RRP8: variants seen among roughly 807,000 people sequenced by gnomAD.
RRP8 encodes the protein ribosomal RNA processing 8, also known as ribosomal RNA-processing protein 8.
A neutral mutation model predicts 45.0 loss-of-function variants in RRP8; 48 were observed. The ratio of observed to expected loss-of-function variants is 1.07; its 90% CI spans 0.85 to 1.36. The LOEUF is 1.36. RRP8 is among the 40% of genes most tolerant of loss of function. RRP8 has a pLI of 0.00. For missense variants in RRP8, 658 were observed against 573.7 expected (o/e 1.15, Z -1.50); for synonymous variants, 274 against 212.4 (o/e 1.29, Z -2.52).
intron 1 of RRP8, 113 bp downstream of exon 1, chr11:6,603,291 T>G: frequency 1.4e-6 from 1 of 722,054 alleles, no homozygotes; most frequent in Non-Finnish European, 2.3e-6. Flanking sequence ...AGATCAGGAC[T>G]CGCCCTTAAC....
Position 6,601,194 on chromosome 11 carries a change from C to T in RRP8, c.872G>A (p.Trp291Ter). 1.2e-6 allele frequency: 2 copies of T among 1,613,768 alleles called. No individual in the cohort carries two copies. The highest frequency in any genetic ancestry group is 1.7e-6 in the Non-Finnish European group (2 of 1,179,816). ...HRGFQSQVKKWPLQPVDRIAR... is the reference protein window; with the variant it reads ...HRGFQSQVKK ...GATGCGGTCCACTGGCTGCAGTGGC[C>T]ACTTCTTCACTTGGCTCTGGAAGCC... is the stretch of plus-strand genomic sequence containing the variant. The change falls in exon 3 of 7, where the codon TGG becomes TAG. Residue 291 changes from tryptophan to a stop codon, truncating the protein, a stop_gained. Transcript: ENST00000254605. LOFTEE classifies it high-confidence loss of function.
rs559605796 is a variant in RRP8, at chr11:6,598,156, T to G, written c.*1990A>C. ...TGTCCCACTTCCTAAAATCCAACAC[T>G]TTGAATGGCATCACCAGCCTACCCA... On this transcript the variant is annotated 3_prime_UTR_variant, in exon 7 of 7. Transcript: ENST00000254605. The G allele has an allele frequency of 9.8e-5, 15 of 152,340 alleles. No individual in the cohort carries two copies. The highest frequency in any genetic ancestry group is 3.1e-4 in the African/African-American group (13 of 41,554). The allele number at this position is 152,340 out of a possible 1,614,324, so 9.4% of individuals were successfully genotyped here.
At chr11:6,602,238 A>G in intron 1 of RRP8, 23 bp from the exon 2 acceptor site, 1 of 1,528,962 alleles carries the variant, frequency 6.5e-7, no homozygotes, top group East Asian at 2.3e-5. Context: ...AGGGGATGAC[A>G]GTGGGCCTAA....
Position 6,595,411 on chromosome 11 carries a change from G to A in RRP8, c.*4735C>T, listed in dbSNP as rs1182145205. On this transcript the variant is annotated 3_prime_UTR_variant, in exon 7 of 7. Coordinates refer to ENST00000254605, the MANE Select transcript of RRP8 (RefSeq NM_015324.4). ...TTCCAAGAAGTCTAATACTAAGTAGGGCATCCCTGCTTAATCAATAACACT... is the reference window on the plus strand; with the variant it reads ...TTCCAAGAAGTCTAATACTAAGTAGAGCATCCCTGCTTAATCAATAACACT... 1.3e-5 allele frequency: 2 copies of A among 152,012 alleles called. No individual in the cohort carries two copies. The highest frequency in any genetic ancestry group is 1.5e-5 in the Non-Finnish European group (1 of 68,010). 9.4% of individuals were successfully genotyped at this position (152,012 alleles called of 1,614,324 possible). A position where few individuals can be genotyped will look rare whatever the true frequency, so the allele number is the denominator to read the frequency against.
chr11:6,602,943 G>A (rs1045882277), intron 1 of RRP8, among the ~76,000 whole-genome samples: 3 of 152,174 alleles, frequency 2.0e-5, no homozygotes, highest in African/African-American at 4.8e-5. Context: ...AACTCTTACT[G>A]TCTCCAATCC....
rs1854226864 is a variant in RRP8 at position 6,596,269 on chromosome 11, G to A, written c.*3877C>T. On this transcript the variant is annotated 3_prime_UTR_variant, in exon 7 of 7. Coordinates refer to ENST00000254605, the MANE Select transcript of RRP8 (RefSeq NM_015324.4). The stretch of plus-strand genomic sequence containing the variant: ...CACTGGGGAAAGAGTATTCAAGGAA[G>A]ATGGAGCATGTGCAAAGACTCTCAG... The A allele has an allele frequency of 6.6e-6, 1 of 152,290 alleles. No individual in the cohort carries two copies. Among genetic ancestry groups the A allele is most frequent in the Non-Finnish European group, 1.5e-5 (1 of 68,048 alleles). The allele number at this position is 152,290 out of a possible 1,614,324, so 9.4% of individuals were successfully genotyped here. A position where few individuals can be genotyped will look rare whatever the true frequency, so the allele number is the denominator to read the frequency against.
intron 4 of RRP8, 38 bp from the exon 5 acceptor site, chr11:6,600,813 C>T (rs1589914904): frequency 6.2e-7 from 1 of 1,608,746 alleles, no homozygotes; most frequent in Non-Finnish European, 8.5e-7. Context: ...GCACACAGTG[C>T]AGAAGAAGAA....
At position 6,603,613 on chromosome 11, in the gene RRP8, T is replaced by A. The variant is rs1012638483; in HGVS notation, c.-111A>T. 7 of 639,898 alleles carry A rather than the reference T, an allele frequency of 1.1e-5. No homozygotes were observed. Among genetic ancestry groups the A allele is most frequent in the African/African-American group, 7.7e-5 (4 of 52,170 alleles). The allele number at this position is 639,898 out of a possible 1,614,324, so 39.6% of individuals were successfully genotyped here. On this transcript the variant is annotated 5_prime_UTR_variant, in exon 1 of 7. Coordinates refer to ENST00000254605, the MANE Select transcript of RRP8 (RefSeq NM_015324.4). ...CAGAACCGACCCGGAAACCAAAGCG[T>A]GACAGCCAGGGGTTGCTAGAGCGGC... is the stretch of plus-strand genomic sequence containing the variant.
Position 6,601,963 on chromosome 11 carries a change from T to G in RRP8, c.352A>C (p.Lys118Gln). The change falls in exon 2 of 7, where the codon AAA (lysine) becomes CAA (glutamine). Residue 118 changes from lysine to glutamine, a missense_variant. Lys to Gln is a moderately conservative substitution (Grantham distance 53, BLOSUM62 1). Transcript: ENST00000254605. ...GAGTCACTGCCAACAAGAGCCTGTT[T>G]GTGGCATTTCTTCTTCCTTTCTACT... Reference protein sequence around the residue: ...EEVERKKKCHKQALVGSDSAE... With the variant: ...EEVERKKKCHQQALVGSDSAE... The G allele has an allele frequency of 6.2e-7, 1 of 1,614,236 alleles. No homozygotes were observed. Among genetic ancestry groups the G allele is most frequent in the Non-Finnish European group, 8.5e-7 (1 of 1,180,046 alleles).
Position 6,601,230 on chromosome 11 carries a change from A to G in RRP8, c.836T>C (p.Leu279Pro), listed in dbSNP as rs140802276. The G allele has an allele frequency of 6.2e-7, 1 of 1,611,644 alleles. No homozygotes were observed. The highest frequency in any genetic ancestry group is 8.5e-7 in the Non-Finnish European group (1 of 1,178,906). The change falls in exon 3 of 7, where the codon CTC becomes CCC. Residue 279 changes from leucine to proline, a missense_variant. Physicochemically the swap from Leu to Pro is moderately conservative, Grantham distance 98. Coordinates refer to ENST00000254605, the MANE Select transcript of RRP8 (RefSeq NM_015324.4). ...TTGGCTCTGGAAGCCGCGGTGGTAG[A>G]GAAGAAAAGCCTCAGGGTCTTCCTG... ...LFQEDPEAFLLYHRGFQSQVK... is the reference protein window; with the variant it reads ...LFQEDPEAFLPYHRGFQSQVK...
At chr11:6,602,382 G>A in intron 1 of RRP8, 167 bp from the exon 2 acceptor site, 3 of 709,532 alleles carry the variant, frequency 4.2e-6, no homozygotes, top group Middle Eastern at 4.0e-4. Flanking sequence ...CCCAACTTCT[G>A]GGAAGCTGGA....
rs1854313004 is a variant in RRP8 at position 6,600,404 on chromosome 11, C to T, written c.1251+82G>A. 8 of 1,430,802 alleles carry T rather than the reference C, an allele frequency of 5.6e-6. No homozygotes were observed. The South Asian group carries it at 8.6e-5, about 15-fold the overall frequency. The allele number at this position is 1,430,802 out of a possible 1,614,324, so 88.6% of individuals were successfully genotyped here. A position where few individuals can be genotyped will look rare whatever the true frequency, so the allele number is the denominator to read the frequency against. ...GGGAGCAAAATGTCTGTTCCTGTGCCTAAAGCCTCCTTCCTGAACACCAGT... is the reference window on the plus strand; with the variant it reads ...GGGAGCAAAATGTCTGTTCCTGTGCTTAAAGCCTCCTTCCTGAACACCAGT... On this transcript the variant is annotated intron_variant, in intron 6 of 6. Coordinates refer to ENST00000254605, the MANE Select transcript of RRP8 (RefSeq NM_015324.4).
chr11:6,602,535 T>C (rs898673887), intron 1 of RRP8, among the ~76,000 whole-genome samples: 4 of 152,184 alleles, frequency 2.6e-5, no homozygotes, highest in Admixed American at 2.0e-4. Context: ...AGCTTTTGCC[T>C]AGAGCTGATA....
rs914128233 is a variant in RRP8, at chr11:6,599,586, T to C, written c.*560A>G. Reference sequence around the variant, plus strand: ...AAGATAAACCACTAGAAATGCTCGGTATGGGGACAACCAAACAGTCTCAAG... The same window carrying C: ...AAGATAAACCACTAGAAATGCTCGGCATGGGGACAACCAAACAGTCTCAAG... On this transcript the variant is annotated 3_prime_UTR_variant, in exon 7 of 7. Coordinates refer to ENST00000254605, the MANE Select transcript of RRP8 (RefSeq NM_015324.4). The C allele has an allele frequency of 3.9e-5, 6 of 152,204 alleles. No individual in the cohort carries two copies. Among genetic ancestry groups the C allele is most frequent in the African/African-American group, 1.2e-4 (5 of 41,432 alleles). 9.4% of individuals were successfully genotyped at this position (152,204 alleles called of 1,614,324 possible).
At chr11:6,603,126 A>T (rs2134506614) in intron 1 of RRP8, among the ~76,000 whole-genome samples, 1 of 152,288 alleles carries the variant, frequency 6.6e-6, no homozygotes, top group Non-Finnish European at 1.5e-5. Flanking sequence ...CACAAGGACC[A>T]CTTGTGTTTG....
chr11:6,603,520 G>A lies in RRP8; in HGVS notation c.-18C>T, dbSNP rs1382773279. On this transcript the variant is annotated 5_prime_UTR_variant, in exon 1 of 7. Coordinates refer to ENST00000254605, the MANE Select transcript of RRP8 (RefSeq NM_015324.4). ...TCGAACATGAGGGTCGGGAGGGCAG[G>A]GTCGCCGAGTCCCCGCTCTTCTCCA... 1 of 1,507,604 alleles carries A rather than the reference G, an allele frequency of 6.6e-7. No homozygotes were observed. Among genetic ancestry groups the A allele is most frequent in the East Asian group, 2.4e-5 (1 of 41,710 alleles). The allele number at this position is 1,507,604 out of a possible 1,614,324, so 93.4% of individuals were successfully genotyped here.
chr11:6,601,723 C>T (rs1854371526), intron 2 of RRP8, 121 bp from the exon 3 acceptor site: 6 of 1,477,796 alleles, frequency 4.1e-6, no homozygotes, highest in African/African-American at 2.8e-5. Context: ...CAGAGAAGTA[C>T]TTCTTATTGC....
Position 6,600,735 on chromosome 11 carries a change from C to G in RRP8, c.1088G>C (p.Cys363Ser), listed in dbSNP as rs1255827500. The change falls in exon 5 of 7, where the codon TGC (cysteine) becomes TCC (serine). Residue 363 changes from cysteine (C) to serine (S), a missense_variant. Coordinates refer to ENST00000254605, the MANE Select transcript of RRP8 (RefSeq NM_015324.4). ...EDESVDVAVFCLSLMGTNIRD... is the reference protein window; with the variant it reads ...EDESVDVAVFSLSLMGTNIRD... ...GATGTTGGTTCCCATCAGTGAAAGG[C>G]AAAACACAGCCACATCCACAGACTC... 1.2e-6 allele frequency: 2 copies of G among 1,614,112 alleles called. No individual in the cohort carries two copies. The highest frequency in any genetic ancestry group is 2.7e-5 in the African/African-American group (2 of 75,034).
At chr11:6,601,758 C>T in intron 2 of RRP8, 94 bp downstream of exon 2, 1 of 1,490,896 alleles carries the variant, frequency 6.7e-7, no homozygotes. Context: ...AGCCCCAATC[C>T]TAATGGCAGT....
Sources: allele counts gnomAD v4.1 joint callset (sites outside exome capture counted in the v4.1 genomes callset), GRCh38; gene constraint gnomAD v4.1.1; transcripts MANE v1.5; gene names NCBI Gene and HGNC (gene_info 2026-07-23, HGNC 2026-07-21).